The following SEMA4B variants were observed in gnomAD, a reference collection of about 807,000 sequenced individuals.
The protein encoded by SEMA4B is semaphorin-4B.
Under a neutral mutation model 88.1 loss-of-function variants are expected in SEMA4B, and 55 were observed. The ratio of observed to expected loss-of-function variants is 0.62; its 90% CI spans 0.50 to 0.78. SEMA4B has a LOEUF of 0.78. Ranked by LOEUF, SEMA4B falls within the 30% of genes least tolerant of loss-of-function variation. SEMA4B has a pLI of 0.00. For missense variants in SEMA4B, 1,062 were observed against 1,111.9 expected, an observed-to-expected ratio of 0.96 and a Z score of 0.64; for synonymous variants, 525 against 473.6, an observed-to-expected ratio of 1.11 and a Z score of -1.41.
chr15:90,226,946 C>T (rs1268149258), intron 12 of SEMA4B, among the ~76,000 whole-genome samples: 2 of 151,774 alleles, frequency 1.3e-5, no homozygotes, highest in African/African-American at 4.8e-5. Flanking sequence ...AAGATGAGAA[C>T]ACATCAAAAA....
intron 1 of SEMA4B, among the ~76,000 whole-genome samples, chr15:90,210,470 G>C (rs1961210964): frequency 6.6e-6 from 1 of 152,222 alleles, no homozygotes; most frequent in Admixed American, 6.5e-5. Context: ...AGCAAAGCCT[G>C]AGGCAGGAGG....
chr15:90,216,894 A>G (rs1961557225), intron 1 of SEMA4B, among the ~76,000 whole-genome samples: 1 of 152,236 alleles, frequency 6.6e-6, no homozygotes, highest in South Asian at 2.1e-4. Context: ...CTGTCAATGC[A>G]AATAGCATTC....
At chr15:90,213,767 C>T (rs978274874) in intron 1 of SEMA4B, among the ~76,000 whole-genome samples, 8 of 152,236 alleles carry the variant, frequency 5.3e-5, no homozygotes, top group African/African-American at 1.9e-4. Context: ...TCTGAACCAG[C>T]CCTTGCTTCC....
At chr15:90,184,927 G>C, upstream of SEMA4B, 1 of 985,776 alleles carries the variant, frequency 1.0e-6, no homozygotes, top group Non-Finnish European at 1.2e-6. Flanking sequence ...AGCATTTCCG[G>C]GGACGCCGCG....
At chr15:90,195,759 G>A (rs1159405526) in intron 1 of SEMA4B, among the ~76,000 whole-genome samples, 2 of 151,892 alleles carry the variant, frequency 1.3e-5, no homozygotes. Context: ...ACAGGCATGC[G>A]CCACCATACC....
chr15:90,196,480 T>C (rs1273885863), upstream of SEMA4B, among the ~76,000 whole-genome samples: 1 of 150,144 alleles, frequency 6.7e-6, no homozygotes, highest in Non-Finnish European at 1.5e-5. Flanking sequence ...TTTCTAATTC[T>C]ATCACCATTT....
chr15:90,217,661 A>T (rs1302455961), intron 2 of SEMA4B, 59 bp downstream of exon 2: 7 of 1,606,496 alleles, frequency 4.4e-6, no homozygotes, highest in Non-Finnish European at 6.0e-6. Flanking sequence ...GGGAAGATGG[A>T]CGGGAAGCTT....
At chr15:90,214,428 A>G (rs1452022418) in intron 1 of SEMA4B, among the ~76,000 whole-genome samples, 1 of 151,770 alleles carries the variant, frequency 6.6e-6, no homozygotes, top group Non-Finnish European at 1.5e-5. Flanking sequence ...ACATGAGGTC[A>G]GGAGTTCAAG....
chr15:90,222,869 C>G (rs1303274734), intron 7 of SEMA4B, among the ~76,000 whole-genome samples: 1 of 124,848 alleles, frequency 8.0e-6, no homozygotes, highest in Admixed American at 7.7e-5. Context: ...CCCCACCACC[C>G]CAGCACAAGA....
chr15:90,222,971 T>TATATAAA (rs3029968), intron 7 of SEMA4B, among the ~76,000 whole-genome samples: 1 of 123,670 alleles, frequency 8.1e-6, no homozygotes, highest in Admixed American at 8.1e-5. Flanking sequence ...TATATATACA[T>TATATAAA]TTTTTTTTTT....
intron 1 of SEMA4B, among the ~76,000 whole-genome samples, chr15:90,185,721 TGCGGGA>T (rs1960144556): frequency 6.6e-6 from 1 of 152,174 alleles, no homozygotes; most frequent in East Asian, 1.9e-4. Flanking sequence ...TAAAATTTTG[TGCGGGA>T]AGCATACAAA....
At chr15:90,224,931 G>A (rs757073601) in intron 9 of SEMA4B, 37 bp from the exon 10 acceptor site, 3 of 1,571,194 alleles carry the variant, frequency 1.9e-6, no homozygotes, top group East Asian at 2.2e-5. Flanking sequence ...GCCACCCCGA[G>A]GTGTGGCTGG....
Position 90,212,912 on chromosome 15 carries a change from C to A in SEMA4B, c.158-4527C>A, listed in dbSNP as rs1157568934. 6.6e-6 allele frequency among the ~76,000 whole-genome samples: 1 copy of A among 152,190 alleles called. No individual in the cohort carries two copies. The highest frequency in any genetic ancestry group is 1.5e-5 in the Non-Finnish European group (1 of 68,042). On this transcript the variant is annotated intron_variant, in intron 1 of 13. Coordinates refer to ENST00000411539, the MANE Select transcript of SEMA4B (RefSeq NM_198925.4). This position sits in a 1 kb window ranked among gnomAD's most constrained non-coding sequence, Gnocchi z 4.0. ...ATCGCCCAGGCTAAGTTCGTGAACC[C>A]CCTGGATGAGGGAGGCCCGACTCCC...
In SEMA4B at chr15:90,185,163, G is replaced by GC. The variant is rs1164152572; in HGVS notation, c.-122+87dup. On this transcript the variant is annotated intron_variant, in intron 1 of 14. Transcript: ENST00000332496. ...AGGCGAAAACCGCCGCGCAGCCGCT[G>GC]CCCCCACCCTTGCACCCGCACCTCC... is the stretch of plus-strand genomic sequence containing the variant. The GC allele has an allele frequency of 1.0e-5, 8 of 780,124 alleles. No individual in the cohort carries two copies. The East Asian group carries it at 6.3e-4, about 61-fold the overall frequency. 48.3% of individuals were successfully genotyped at this position (780,124 alleles called of 1,614,324 possible). A position where few individuals can be genotyped will look rare whatever the true frequency, so the allele number is the denominator to read the frequency against.
Position 90,201,475 on chromosome 15 carries a change from C to T in SEMA4B, c.-104C>T. The T allele has an allele frequency of 7.6e-7, 1 of 1,309,932 alleles. No individual in the cohort carries two copies. Among genetic ancestry groups the T allele is most frequent in the East Asian group, 3.2e-5 (1 of 31,306 alleles). The allele number at this position is 1,309,932 out of a possible 1,614,324, so 81.1% of individuals were successfully genotyped here. A position where few individuals can be genotyped will look rare whatever the true frequency, so the allele number is the denominator to read the frequency against. ...CCCCCCAGGTCCGGAGGCGGGGGCC[C>T]CCGGGGCGACTCGGGGGCGGACCGC... On this transcript the variant is annotated 5_prime_UTR_variant, in exon 1 of 14. Coordinates refer to ENST00000411539, the MANE Select transcript of SEMA4B (RefSeq NM_198925.4).
upstream of SEMA4B, chr15:90,201,201 G>T: frequency 3.8e-6 from 2 of 528,568 alleles, no homozygotes; most frequent in Non-Finnish European, 4.9e-6. Flanking sequence ...CTGATCCCGG[G>T]CTTGGCCCCT....
intron 1 of SEMA4B, among the ~76,000 whole-genome samples, chr15:90,188,965 A>G (rs1012947202): frequency 4.6e-5 from 7 of 152,114 alleles, no homozygotes; most frequent in Admixed American, 4.6e-4. Context: ...CACCGCGCCC[A>G]GCCAGGATGA....
rs1289707507 is a variant in SEMA4B, at chr15:90,212,735, G to A, written c.158-4704G>A. On this transcript the variant is annotated intron_variant, in intron 1 of 13. Transcript: ENST00000411539. This position sits in a 1 kb window ranked among gnomAD's most constrained non-coding sequence, Gnocchi z 4.0. ...CACTCTGGAGGTGACCCAAGCACCTGGGCCCTTAGACAGTAACACCACTCA... is the reference window on the plus strand; with the variant it reads ...CACTCTGGAGGTGACCCAAGCACCTAGGCCCTTAGACAGTAACACCACTCA... Among the ~76,000 whole-genome samples, 1 of 152,170 alleles carries A rather than the reference G, an allele frequency of 6.6e-6. No individual in the cohort carries two copies. Among genetic ancestry groups the A allele is most frequent in the Non-Finnish European group, 1.5e-5 (1 of 68,030 alleles).
Position 90,225,411 on chromosome 15 carries a change from C to A in SEMA4B, c.1521+14C>A, listed in dbSNP as rs199818500. 1 of 1,547,894 alleles carries A rather than the reference C, an allele frequency of 6.5e-7. No individual in the cohort carries two copies. The highest frequency in any genetic ancestry group is 2.3e-4 in the Middle Eastern group (1 of 4,400). ...GACACCCACAGGGTGAGCAGGCCAACGAGGAATCCTGGCAGGGTACTTGGG... is the reference window on the plus strand; with the variant it reads ...GACACCCACAGGGTGAGCAGGCCAAAGAGGAATCCTGGCAGGGTACTTGGG... On this transcript the variant is annotated intron_variant, in intron 11 of 13. Transcript: ENST00000411539.
Sources: allele counts gnomAD v4.1 joint callset (sites outside exome capture counted in the v4.1 genomes callset), GRCh38; gene constraint gnomAD v4.1.1; non-coding constraint Gnocchi (gnomAD v3.1); transcripts MANE v1.5; gene names NCBI Gene and HGNC (gene_info 2026-07-23, HGNC 2026-07-21).